PYGO1: variants seen among roughly 807,000 people sequenced by gnomAD.
PYGO1 encodes the protein pygopus family PHD finger 1, also known as pygopus homolog 1.
Under a neutral mutation model 29.5 loss-of-function variants are expected in PYGO1, and 6 were observed. The ratio of observed to expected loss-of-function variants is 0.20; its 90% confidence interval spans 0.11 to 0.40. The LOEUF (loss-of-function observed/expected upper bound fraction) is 0.40, where lower values mean the gene tolerates loss of function less well. Among genes scored for constraint, PYGO1 ranks in the 10% least tolerant of loss-of-function variants. The pLI is 1.00. For missense variants in PYGO1, 515 were observed against 514.9 expected (o/e 1.00, Z 0.00); for synonymous variants, 186 against 180.5 (o/e 1.03, Z -0.24).
intron 1 of PYGO1, among the ~76,000 whole-genome samples, chr15:55,570,673 C>T (rs536892619): frequency 4.6e-5 from 7 of 152,102 alleles, no homozygotes; most frequent in African/African-American, 1.4e-4. Context: ...TTTGCACATA[C>T]CCTGTACCCA....
chr15:55,577,588 GTTTTT>G (rs2059008442), intron 1 of PYGO1, among the ~76,000 whole-genome samples: 3 of 1,660 alleles, frequency 1.8e-3, no homozygotes, highest in Non-Finnish European at 4.5e-3. Context: ...CTAAAACTAG[GTTTTT>G]GTTTTTAAAA....
At chr15:55,573,441 G>T (rs2141670685) in intron 1 of PYGO1, among the ~76,000 whole-genome samples, 1 of 152,288 alleles carries the variant, frequency 6.6e-6, no homozygotes, top group South Asian at 2.1e-4. Context: ...AGTTCCTCAA[G>T]AAATTAAAAA....
chr15:55,583,942 G>C (rs530103966), intron 1 of PYGO1, among the ~76,000 whole-genome samples: 34 of 152,218 alleles, frequency 2.2e-4, no homozygotes, highest in Non-Finnish European at 4.9e-4. Flanking sequence ...TAAGACAAAA[G>C]AACACTCACT....
At chr15:55,571,791 C>T (rs1272116742) in intron 1 of PYGO1, among the ~76,000 whole-genome samples, 1 of 152,088 alleles carries the variant, frequency 6.6e-6, no homozygotes, top group Non-Finnish European at 1.5e-5. Context: ...CTAATACATC[C>T]TATTTTCAAT....
At chr15:55,579,836 C>T (rs11635772) in intron 1 of PYGO1, among the ~76,000 whole-genome samples, 73,559 of 152,096 alleles carry the variant, frequency 0.48, 18,717 homozygotes, top group Admixed American at 0.58. Context: ...AAAATTCTGA[C>T]GCTTGAAATC....
At chr15:55,584,147 A>T (rs1595996838) in intron 1 of PYGO1, among the ~76,000 whole-genome samples, 1 of 128,054 alleles carries the variant, frequency 7.8e-6, no homozygotes, top group Admixed American at 9.2e-5. Flanking sequence ...ATAGGGTCTC[A>T]CTCCAATTGC....
intron 1 of PYGO1, among the ~76,000 whole-genome samples, chr15:55,577,006 T>TTA (rs2059005743): frequency 6.7e-6 from 1 of 148,500 alleles, no homozygotes; most frequent in Non-Finnish European, 1.5e-5. Flanking sequence ...GCAACAAAGA[T>TTA]AAAAAAAAAA....
At chr15:55,588,588 C>CG (rs565903480), upstream of PYGO1, among the ~76,000 whole-genome samples, 25,537 of 148,128 alleles carry the variant, frequency 0.17, 3,154 homozygotes, top group East Asian at 0.59. Context: ...CGCGGGCCCG[C>CG]GGCTCTTGCA....
chr15:55,577,894 C>T (rs1193955944), intron 1 of PYGO1, among the ~76,000 whole-genome samples: 8 of 151,992 alleles, frequency 5.3e-5, no homozygotes, highest in Admixed American at 1.3e-4. Context: ...CCTGCCTCAG[C>T]CTCCCGAGCA....
chr15:55,545,149 TC>T lies in PYGO1; in HGVS notation c.*873del, dbSNP rs2058844124. On this transcript the variant is annotated 3_prime_UTR_variant, in exon 3 of 3. Coordinates refer to ENST00000563719, the MANE Select transcript of PYGO1 (RefSeq NM_001367806.1). Reference sequence around the variant, plus strand: ...TAAGGCCAAATGGATGTTTCTACCTTCCTCATCTGCAATATGTCCCAGTTCA... The same window carrying T: ...TAAGGCCAAATGGATGTTTCTACCTTCTCATCTGCAATATGTCCCAGTTCA... 1 of 152,142 alleles carries T rather than the reference TC, an allele frequency of 6.6e-6. No individual in the cohort carries two copies. Among genetic ancestry groups the T allele is most frequent in the Non-Finnish European group, 1.5e-5 (1 of 68,004 alleles). The allele number at this position is 152,142 out of a possible 1,614,324, so 9.4% of individuals were successfully genotyped here. A position where few individuals can be genotyped will look rare whatever the true frequency, so the allele number is the denominator to read the frequency against.
rs533316335 is a variant in PYGO1, at chr15:55,560,954, A to AAAAC, written c.50-11963_50-11960dup. Among the ~76,000 whole-genome samples the AAAAC allele has an allele frequency of 5.9e-4, 90 of 152,192 alleles. 2 individuals carry two copies. The highest frequency in any genetic ancestry group is 4.6e-3 in the East Asian group (24 of 5,176). On this transcript the variant is annotated intron_variant, in intron 1 of 2. Coordinates refer to ENST00000563719, the MANE Select transcript of PYGO1 (RefSeq NM_001367806.1). ...GGCGACAGAGCAAGACTCTATCTCA[A>AAAAC]AAACAAACAAACAAACAAACAAACC...
rs947864265 is a variant in PYGO1 at position 55,588,147 on chromosome 15, C to G, written c.-264G>C. On this transcript the variant is annotated 5_prime_UTR_variant, in exon 1 of 3. Coordinates refer to ENST00000563719, the MANE Select transcript of PYGO1 (RefSeq NM_001367806.1). ...GGCCGGGAGCGCGGCCTGGGGGCGG[C>G]CCCCCACCCGGGGCCGGCATGTGCT... 4 of 671,960 alleles carry G rather than the reference C, an allele frequency of 6.0e-6. No homozygotes were observed. Among genetic ancestry groups the G allele is most frequent in the African/African-American group, 2.0e-5 (1 of 50,784 alleles). The allele number at this position is 671,960 out of a possible 1,614,324, so 41.6% of individuals were successfully genotyped here.
intron 1 of PYGO1, among the ~76,000 whole-genome samples, chr15:55,560,321 A>C (rs1170545390): frequency 3.3e-5 from 5 of 152,182 alleles, no homozygotes; most frequent in African/African-American, 1.2e-4. Context: ...CTGATAAGCA[A>C]CTTCAGCAAA....
chr15:55,560,219 A>C (rs978052324), intron 1 of PYGO1, among the ~76,000 whole-genome samples: 2 of 152,186 alleles, frequency 1.3e-5, no homozygotes, highest in African/African-American at 4.8e-5. Flanking sequence ...AAGTGTATTC[A>C]AATAGGATGA....
chr15:55,555,415 A>G (rs75259091), intron 1 of PYGO1, among the ~76,000 whole-genome samples: 2 of 151,338 alleles, frequency 1.3e-5, no homozygotes, highest in African/African-American at 2.4e-5. Context: ...ACTGAGGTAC[A>G]TGACCAATGA....
intron 1 of PYGO1, among the ~76,000 whole-genome samples, chr15:55,572,238 A>T (rs2058983146): frequency 6.6e-6 from 1 of 152,196 alleles, no homozygotes; most frequent in Admixed American, 6.5e-5. Context: ...AGAGCCCAGA[A>T]ATAAACCAAC....
rs1039813681 is a variant in PYGO1 at position 55,544,647 on chromosome 15, T to C, written c.*1376A>G. 11 of 152,202 alleles carry C rather than the reference T, an allele frequency of 7.2e-5. No individual in the cohort carries two copies. The highest frequency in any genetic ancestry group is 5.9e-4 in the Admixed American group (9 of 15,278). The allele number at this position is 152,202 out of a possible 1,614,324, so 9.4% of individuals were successfully genotyped here. A position where few individuals can be genotyped will look rare whatever the true frequency, so the allele number is the denominator to read the frequency against. ...TTCACTTGGGTTTAAATAACAGTAATTATTTATCTCTTTCGTAGATCACCA... is the reference window on the plus strand; with the variant it reads ...TTCACTTGGGTTTAAATAACAGTAACTATTTATCTCTTTCGTAGATCACCA... On this transcript the variant is annotated 3_prime_UTR_variant, in exon 3 of 3. Transcript: ENST00000563719.
intron 1 of PYGO1, among the ~76,000 whole-genome samples, chr15:55,563,091 C>T (rs2058940208): frequency 1.3e-5 from 2 of 151,974 alleles, no homozygotes; most frequent in African/African-American, 4.8e-5. Flanking sequence ...ATAAATTGCA[C>T]TTCATCAAAA....
chr15:55,564,182 C>T (rs1421558029), intron 1 of PYGO1, among the ~76,000 whole-genome samples: 3 of 152,092 alleles, frequency 2.0e-5, no homozygotes, highest in Admixed American at 6.6e-5. Flanking sequence ...TGTCCATCAA[C>T]GAGTGAATGG....
Sources: allele counts gnomAD v4.1 joint callset (sites outside exome capture counted in the v4.1 genomes callset), GRCh38; gene constraint gnomAD v4.1.1; transcripts MANE v1.5; gene names NCBI Gene and HGNC (gene_info 2026-07-23, HGNC 2026-07-21).